Variants in ZFYVE9 observed in about 807,000 individuals in gnomAD.
The protein encoded by ZFYVE9 is zinc finger FYVE-type containing 9.
ZFYVE9 carries 43 observed loss-of-function variants against 126.7 expected under a neutral mutation model. That is an observed-to-expected ratio of 0.34 (90% confidence interval 0.27 to 0.44). The LOEUF (loss-of-function observed/expected upper bound fraction) is 0.44, where lower values mean the gene tolerates loss of function less well. Ranked by LOEUF, ZFYVE9 falls within the 20% of genes least tolerant of loss-of-function variation. ZFYVE9 has a pLI of 1.00. For synonymous variants in ZFYVE9, 521 were observed against 597.4 expected (o/e 0.87, Z 1.87); for missense variants, 1,476 against 1,697.0 (o/e 0.87, Z 2.29).
intron 1 of ZFYVE9, among the ~76,000 whole-genome samples, chr1:52,182,955 TA>T (rs1183515463): frequency 1.3e-5 from 2 of 151,924 alleles, no homozygotes; most frequent in African/African-American, 2.4e-5. Flanking sequence ...GTGAATAAAT[TA>T]AAAAAAATAA....
chr1:52,203,866 C>A (rs2124573980), intron 1 of ZFYVE9, among the ~76,000 whole-genome samples: 1 of 152,078 alleles, frequency 6.6e-6, no homozygotes, highest in Admixed American at 6.5e-5. Flanking sequence ...CAAAGGCATT[C>A]TTCATTTCTG....
chr1:52,268,465 G>T lies in ZFYVE9; in HGVS notation c.2458G>T (p.Ala820Ser), dbSNP rs770332501. The T allele has an allele frequency of 1.9e-6, 3 of 1,611,578 alleles. No individual in the cohort carries two copies. Among genetic ancestry groups the T allele is most frequent in the East Asian group, 2.2e-5 (1 of 44,842 alleles). Residue 820 changes from alanine (A) to serine (S), a missense_variant and splice_region_variant, in exon 7 of 19, where the codon GCT (alanine) becomes TCT (serine). By Grantham distance (99) the Ala-to-Ser change is moderately conservative. This residue lies in a region of ZFYVE9 where 669 missense variants were observed against 902.4 expected (regional missense o/e 0.74). Transcript: ENST00000287727. ...GVLKHPGAEV[A>S]QPREQRRVWF... ...TTTTATTTTTCTGGCCCCTCAAGTG[G>T]CTCAGCCCAGAGAGCAGAGGCGAGT...
chr1:52,274,355 A>G, intron 7 of ZFYVE9, 109 bp from the exon 8 acceptor site: 2 of 1,354,518 alleles, frequency 1.5e-6, no homozygotes, highest in Admixed American at 2.3e-5. Context: ...ACCTTTCAAA[A>G]AGTATGAATT....
At chr1:52,271,709 A>G (rs984029346) in intron 7 of ZFYVE9, among the ~76,000 whole-genome samples, 1 of 152,206 alleles carries the variant, frequency 6.6e-6, no homozygotes, top group Non-Finnish European at 1.5e-5. Context: ...TTGCCAGTAA[A>G]ATTTTATAAA....
At chr1:52,212,295 C>A (rs960155630) in intron 1 of ZFYVE9, among the ~76,000 whole-genome samples, 1 of 152,204 alleles carries the variant, frequency 6.6e-6, no homozygotes, top group Non-Finnish European at 1.5e-5. Flanking sequence ...CAGGCACATG[C>A]CACTATGCCT....
intron 1 of ZFYVE9, chr1:52,162,913 C>T (rs762902071): frequency 3.9e-6 from 2 of 507,588 alleles, no homozygotes; most frequent in East Asian, 4.4e-5. Context: ...TGAAGGACTA[C>T]GAGATCCTGA....
chr1:52,340,302 C>A, intron 17 of ZFYVE9, 71 bp downstream of exon 17: 2 of 1,145,184 alleles, frequency 1.7e-6, no homozygotes, highest in Non-Finnish European at 2.6e-6. Flanking sequence ...GAGCCACATT[C>A]TGGGTTGACT....
chr1:52,324,492 C>T (rs1297707961), intron 13 of ZFYVE9, among the ~76,000 whole-genome samples: 1 of 152,214 alleles, frequency 6.6e-6, no homozygotes, highest in Non-Finnish European at 1.5e-5. Context: ...TTTCTCACTT[C>T]TAGTTCTGTT....
intron 7 of ZFYVE9, among the ~76,000 whole-genome samples, chr1:52,270,302 CG>C (rs778625015): frequency 4.6e-5 from 7 of 152,120 alleles, no homozygotes; most frequent in Non-Finnish European, 8.8e-5. Flanking sequence ...CTTGCTCTGT[CG>C]CCCAGGCTGG....
chr1:52,226,602 C>G (rs72893975), intron 2 of ZFYVE9, among the ~76,000 whole-genome samples: 1 of 152,160 alleles, frequency 6.6e-6, no homozygotes, highest in Non-Finnish European at 1.5e-5. Flanking sequence ...TGAGGACTCT[C>G]GTACCCTTAC....
At chr1:52,225,357 C>G (rs937627143) in intron 2 of ZFYVE9, among the ~76,000 whole-genome samples, 11 of 152,206 alleles carry the variant, frequency 7.2e-5, no homozygotes, top group Admixed American at 5.9e-4. Flanking sequence ...GGATCCTGGA[C>G]AAGCCCCCAG....
chr1:52,232,728 C>CAAAAAAAA lies in ZFYVE9; in HGVS notation c.-36-424_-36-417dup, dbSNP rs552213191. Among the ~76,000 whole-genome samples, 37 of 27,346 alleles carry CAAAAAAAA rather than the reference C, an allele frequency of 1.4e-3. 2 individuals are homozygous for CAAAAAAAA. Among genetic ancestry groups the CAAAAAAAA allele is most frequent in the African/African-American group, 3.5e-3 (34 of 9,754 alleles). The allele number at this position is 27,346 out of a possible 152,430, so 17.9% of individuals were successfully genotyped here. A position where few individuals can be genotyped will look rare whatever the true frequency, so the allele number is the denominator to read the frequency against. On this transcript the variant is annotated intron_variant, in intron 2 of 18. Coordinates refer to ENST00000287727, the MANE Select transcript of ZFYVE9 (RefSeq NM_004799.4). The stretch of plus-strand genomic sequence containing the variant: ...AGGCAACAAGAGTGAGACTCTGTCT[C>CAAAAAAAA]AAAAAAAAAAAAAAAAAAAAAAAAA...
At chr1:52,285,188 A>G (rs1393435083) in intron 10 of ZFYVE9, among the ~76,000 whole-genome samples, 1 of 152,212 alleles carries the variant, frequency 6.6e-6, no homozygotes. Flanking sequence ...TTAATAATAT[A>G]TCAGTTCTTA....
intron 1 of ZFYVE9, among the ~76,000 whole-genome samples, chr1:52,200,543 A>T (rs1229030837): frequency 6.6e-6 from 1 of 152,132 alleles, no homozygotes; most frequent in African/African-American, 2.4e-5. Flanking sequence ...TTCATAGATC[A>T]TTCCTTTGGT....
chr1:52,269,242 G>T (rs550561378), intron 7 of ZFYVE9, among the ~76,000 whole-genome samples: 1 of 152,166 alleles, frequency 6.6e-6, no homozygotes, highest in Non-Finnish European at 1.5e-5. Context: ...CAATTCTCCT[G>T]CCTCAGCCTC....
intron 1 of ZFYVE9, among the ~76,000 whole-genome samples, chr1:52,178,278 CA>C (rs78982846): frequency 0.13 from 2,628 of 19,610 alleles, 12 homozygotes; most frequent in African/African-American, 0.3. Context: ...GACTCCATCT[CA>C]AAAAAAAAAA....
chr1:52,210,109 T>G (rs796777399), intron 1 of ZFYVE9, among the ~76,000 whole-genome samples: 3 of 151,948 alleles, frequency 2.0e-5, no homozygotes, highest in Middle Eastern at 3.2e-3. Flanking sequence ...GAATGTAGAG[T>G]TGGGAGGAGA....
At chr1:52,302,782 C>T (rs908837826) in intron 12 of ZFYVE9, among the ~76,000 whole-genome samples, 3 of 150,996 alleles carry the variant, frequency 2.0e-5, no homozygotes, top group African/African-American at 4.9e-5. Context: ...ATCTATATAT[C>T]TAGAAACTGA....
intron 4 of ZFYVE9, among the ~76,000 whole-genome samples, chr1:52,256,392 A>T (rs1334775717): frequency 1.4e-5 from 2 of 144,566 alleles, no homozygotes; most frequent in African/African-American, 2.6e-5. Flanking sequence ...TTCTTTTTTG[A>T]GACAGTTTTG....
Sources: allele counts gnomAD v4.1 joint callset (sites outside exome capture counted in the v4.1 genomes callset), GRCh38; gene constraint gnomAD v4.1.1; regional missense constraint gnomAD v4.1.1; transcripts MANE v1.5; gene names NCBI Gene and HGNC (gene_info 2026-07-23, HGNC 2026-07-21).